The following ARHGAP4 variants were observed in gnomAD, a reference collection of about 807,000 sequenced individuals.
ARHGAP4 encodes the protein rho GTPase-activating protein 4.
Under a neutral mutation model 67.6 loss-of-function variants are expected in ARHGAP4, and 25 were observed. The ratio of observed to expected loss-of-function variants is 0.37; its 90% confidence interval spans 0.27 to 0.52. The LOEUF is 0.52. Ranked by LOEUF, ARHGAP4 falls within the 20% of genes least tolerant of loss-of-function variation. The pLI is 0.92. For missense variants in ARHGAP4, 804 were observed against 854.6 expected (o/e 0.94, Z 0.74); for synonymous variants, 448 against 373.7 (o/e 1.20, Z -2.29).
chrX:153,925,601 C>G (rs782543231), intron 1 of ARHGAP4, among the ~76,000 whole-genome samples: 11 of 112,770 alleles, frequency 9.8e-5, no homozygotes, highest in Non-Finnish European at 1.9e-4. Context: ...AATCTCTCAA[C>G]CAAGACTCAC....
At chrX:153,910,148 C>T (rs782312402) in intron 17 of ARHGAP4, 23 bp downstream of exon 17, 2 of 1,210,716 alleles carry the variant, frequency 1.7e-6, no homozygotes, top group South Asian at 1.8e-5. Context: ...CCCCCAGTCC[C>T]CTCGGCAGCA....
At position 153,919,427 on chromosome X, in the gene ARHGAP4, C is replaced by T. The variant is rs1348485199; in HGVS notation, c.682-144G>A. The T allele has an allele frequency of 7.9e-6, 9 of 1,139,308 alleles. No homozygotes were observed. In the East Asian group the frequency reaches 2.4e-4, roughly 31 times the overall value. 93.9% of individuals were successfully genotyped at this position (1,139,308 alleles called of 1,213,427 possible). ...AAGCCCAGAAGTCCTGCTGCCTTCC[C>T]CACGCCACAGTCCACAGTGTGCTCA... On this transcript the variant is annotated intron_variant, in intron 5 of 21. Transcript: ENST00000350060.
At position 153,920,742 on chromosome X, in the gene ARHGAP4, C is replaced by T. The variant is rs782480787; in HGVS notation, c.565G>A (p.Glu189Lys). The T allele has an allele frequency of 3.3e-6, 4 of 1,212,059 alleles. No individual in the cohort carries two copies. Among genetic ancestry groups the T allele is most frequent in the South Asian group, 1.8e-5 (1 of 57,064 alleles). Reference protein sequence around the residue: ...VNAEAKLREAERQEEKRAGRS... With the variant: ...VNAEAKLREAKRQEEKRAGRS... ...CCTGCCCGCTTCTCCTCCTGCCGCT[C>T]GGCCTCCCGGAGCTTGGCCTCGGCA... Residue 189 changes from glutamate to lysine, a missense_variant, in exon 5 of 22, where the codon GAG becomes AAG. Transcript: ENST00000350060.
chrX:153,909,655 C>T (rs782723320), intron 19 of ARHGAP4, 86 bp downstream of exon 19: 2 of 1,088,069 alleles, frequency 1.8e-6, no homozygotes, highest in South Asian at 4.4e-5. Context: ...CAGCCCAGAC[C>T]TTCAGAATCT....
rs1297116502 is a variant in ARHGAP4 at position 153,907,587 on chromosome X, G to A, written c.*142C>T. 9 of 368,949 alleles carry A rather than the reference G, an allele frequency of 2.4e-5. No homozygotes were observed. The highest frequency in any genetic ancestry group is 1.0e-4 in the African/African-American group (4 of 39,003). 30.4% of individuals were successfully genotyped at this position (368,949 alleles called of 1,213,427 possible). A position where few individuals can be genotyped will look rare whatever the true frequency, so the allele number is the denominator to read the frequency against. ...GTGGAGCGGGCATCCCTGTGTGCAC[G>A]GCCCCATCCCACCTCTCTGCACAGG... On this transcript the variant is annotated 3_prime_UTR_variant, in exon 22 of 22. Transcript: ENST00000350060.
Position 153,919,139 on chromosome X carries a change from C to T in ARHGAP4, c.810+16G>A, listed in dbSNP as rs370962292. 6.4e-5 allele frequency: 78 copies of T among 1,210,306 alleles called. No homozygotes were observed. The highest frequency in any genetic ancestry group is 4.8e-5 in the Non-Finnish European group (43 of 895,017). ...GGCACCAGGCACCTTTTCCCACCTG[C>T]CCACCAAGGACTCACGTCCATGAGG... On this transcript the variant is annotated intron_variant, in intron 6 of 21. Coordinates refer to ENST00000350060, the MANE Select transcript of ARHGAP4 (RefSeq NM_001666.5).
chrX:153,921,342 G>C (rs782436181), intron 3 of ARHGAP4, 23 bp downstream of exon 3: 2 of 1,210,360 alleles, frequency 1.7e-6, no homozygotes, highest in Non-Finnish European at 2.2e-6. Context: ...AACACTTCCC[G>C]TGGCCCAGGA....
chrX:153,910,914 G>A lies in ARHGAP4; in HGVS notation c.1681+8C>T, dbSNP rs782534760. On this transcript the variant is annotated splice_region_variant and intron_variant, in intron 14 of 21. Transcript: ENST00000350060. Reference sequence around the variant, plus strand: ...GCCCCCACCCCCGCCCGCCCTGCCCGTCCCCACCTCTCTCGAAGGCATCAC... The same window carrying A: ...GCCCCCACCCCCGCCCGCCCTGCCCATCCCCACCTCTCTCGAAGGCATCAC... 7.0e-5 allele frequency: 28 copies of A among 402,395 alleles called. No homozygotes were observed. Among genetic ancestry groups the A allele is most frequent in the South Asian group, 2.5e-4 (6 of 24,323 alleles). 33.2% of individuals were successfully genotyped at this position (402,395 alleles called of 1,213,427 possible).
chrX:153,915,646 T>C (rs2065051098), intron 7 of ARHGAP4, among the ~76,000 whole-genome samples: 1 of 111,929 alleles, frequency 8.9e-6, no homozygotes. Flanking sequence ...TAGCCACGCA[T>C]GGTGGCATGC....
intron 11 of ARHGAP4, 57 bp from the exon 12 acceptor site, chrX:153,912,859 AC>A: frequency 1.8e-6 from 2 of 1,084,928 alleles, no homozygotes; most frequent in Admixed American, 2.7e-5. Context: ...AGGGTGCCCC[AC>A]CCCCCAGGCC....
chrX:153,911,319 G>A (rs781890453), intron 12 of ARHGAP4, 130 bp from the exon 13 acceptor site: 61 of 576,903 alleles, frequency 1.1e-4, no homozygotes, highest in Non-Finnish European at 1.4e-4. Flanking sequence ...GTGCACTGGC[G>A]TGATCTCGGC....
At position 153,909,489 on chromosome X, in the gene ARHGAP4, A is replaced by C; in HGVS notation, c.2461T>G (p.Ser821Ala). Residue 821 changes from serine (S) to alanine (A), a missense_variant, in exon 20 of 22, where the codon TCT (serine) becomes GCT (alanine). By Grantham distance (99) the Ser-to-Ala change is moderately conservative. Transcript: ENST00000350060. ...AGGAGGCCCTCGGGACTGCTCCCAG[A>C]CTCCCCTGCAGTCTGCAGCCCTGCG... ...VGAGLQTAGESGSSPEGLLAS... is the reference protein window; with the variant it reads ...VGAGLQTAGEAGSSPEGLLAS... The C allele has an allele frequency of 1.7e-6, 2 of 1,207,534 alleles. No individual in the cohort carries two copies. The highest frequency in any genetic ancestry group is 3.5e-5 in the African/African-American group (2 of 57,281).
At chrX:153,926,077 C>T (rs2148530551) in intron 1 of ARHGAP4, 59 bp downstream of exon 1, 2 of 1,176,382 alleles carry the variant, frequency 1.7e-6, no homozygotes, top group East Asian at 6.5e-5. Context: ...GCTTGGAGCT[C>T]CCTCACGACC....
At chrX:153,918,761 C>G (rs2065072055) in intron 7 of ARHGAP4, 71 bp downstream of exon 7, 17 of 1,070,208 alleles carry the variant, frequency 1.6e-5, no homozygotes, top group Non-Finnish European at 2.1e-5. Context: ...AAGTGTGGGT[C>G]ATGCCACTCC....
At position 153,923,703 on chromosome X, in the gene ARHGAP4, C is replaced by T. The variant is rs924523936; in HGVS notation, c.68-1894G>A. 4.4e-5 allele frequency among the ~76,000 whole-genome samples: 5 copies of T among 113,073 alleles called. No homozygotes were observed. The East Asian group carries it at 1.1e-3, about 25-fold the overall frequency. ...CGAGGCTGGCCTCCTGTGGTTAACT[C>T]GTCAGCTCCAAGGCCAGGTGGGGTG... is the stretch of plus-strand genomic sequence containing the variant. On this transcript the variant is annotated intron_variant, in intron 1 of 21. Transcript: ENST00000350060.
Position 153,909,950 on chromosome X carries a change from G to A in ARHGAP4, c.2231-26C>T, listed in dbSNP as rs1216724790. 9.9e-6 allele frequency: 12 copies of A among 1,207,237 alleles called. No individual in the cohort carries two copies. The Admixed American group carries it at 2.6e-4, about 26-fold the overall frequency. ...CTGGGGAGGAGAGGGGGTCCAAGCT[G>A]TGGGAGGGGGTGTGGACACTAGGGT... On this transcript the variant is annotated intron_variant, in intron 18 of 21. Transcript: ENST00000350060.
At position 153,907,886 on chromosome X, in the gene ARHGAP4, G is replaced by A; in HGVS notation, c.2684C>T (p.Ala895Val). Residue 895 changes from alanine (A) to valine (V), a missense_variant, in exon 22 of 22, where the codon GCA (alanine) becomes GTA (valine). Ala to Val is a moderately conservative substitution (Grantham distance 64). Coordinates refer to ENST00000350060, the MANE Select transcript of ARHGAP4 (RefSeq NM_001666.5). The stretch of plus-strand genomic sequence containing the variant: ...CCCAGGACTGGGAGAGGTGGTAGAT[G>A]CTGGCCCAAGGCCCTGGCGGACAGA... ...KTSVRQGLGP[A>V]STTSPSPGPR... 9.5e-7 allele frequency: 1 copy of A among 1,056,716 alleles called. No homozygotes were observed. Among genetic ancestry groups the A allele is most frequent in the Non-Finnish European group, 1.2e-6 (1 of 814,743 alleles). 87.1% of individuals were successfully genotyped at this position (1,056,716 alleles called of 1,213,427 possible). A position where few individuals can be genotyped will look rare whatever the true frequency, so the allele number is the denominator to read the frequency against.
At position 153,921,424 on chromosome X, in the gene ARHGAP4, C is replaced by T. The variant is rs782536788; in HGVS notation, c.376G>A (p.Gly126Arg). 5.8e-6 allele frequency: 7 copies of T among 1,208,704 alleles called. No homozygotes were observed. The highest frequency in any genetic ancestry group is 1.7e-5 in the African/African-American group (1 of 57,486). Residue 126 changes from glycine (G) to arginine (R), a missense_variant, in exon 3 of 22, where the codon GGG (glycine) becomes AGG (arginine). Gly to Arg is a moderately radical substitution (Grantham distance 125). Transcript: ENST00000350060. ...TGACTCAGGCGCTGGGCCAGGGGCC[C>T]GGCCAGCACCTCACTCAGGGCCGCG... Reference protein sequence around the residue: ...ESAALSEVLAGPLAQRLSHIA... With the variant: ...ESAALSEVLARPLAQRLSHIA...
At chrX:153,926,044 G>A (rs2065125994) in intron 1 of ARHGAP4, 92 bp downstream of exon 1, 5 of 1,109,961 alleles carry the variant, frequency 4.5e-6, no homozygotes, top group Admixed American at 2.6e-5. Flanking sequence ...GGAGAGCATC[G>A]GGCCCTGGGC....
Sources: gnomAD v4.1 joint callset for allele counts (sites outside exome capture counted in the v4.1 genomes callset) on GRCh38, gnomAD v4.1.1 for gene constraint, MANE v1.5 for transcripts, NCBI Gene and HGNC (gene_info 2026-07-23, HGNC 2026-07-21) for gene names.